NRXN3: variants seen among roughly 807,000 people sequenced by gnomAD.
The protein encoded by NRXN3 is neurexin III.
A neutral mutation model predicts 137.6 loss-of-function variants in NRXN3; 32 were observed. The observed-to-expected ratio is 0.23, with a 90% confidence interval of 0.18 to 0.31. The LOEUF (loss-of-function observed/expected upper bound fraction) is 0.31, where lower values mean the gene tolerates loss of function less well. Among genes scored for constraint, NRXN3 ranks in the 10% least tolerant of loss-of-function variants. NRXN3 has a pLI of 1.00. For missense variants in NRXN3, 1,574 were observed against 2,062.5 expected, an observed-to-expected ratio of 0.76 and a Z score of 4.59; for synonymous variants, 798 against 784.5, an observed-to-expected ratio of 1.02 and a Z score of -0.29.
At chr14:78,885,787 T>C (rs1340289132) in intron 10 of NRXN3, among the ~76,000 whole-genome samples, 1 of 152,122 alleles carries the variant, frequency 6.6e-6, no homozygotes, top group African/African-American at 2.4e-5. Flanking sequence ...CTTCCTATGT[T>C]AGCTAGAGTA....
At chr14:79,436,366 G>C (rs1255430090) in intron 15 of NRXN3, among the ~76,000 whole-genome samples, 2 of 152,168 alleles carry the variant, frequency 1.3e-5, no homozygotes, top group East Asian at 3.8e-4. Flanking sequence ...AATGCACCCA[G>C]TCTCATTTCA....
intron 15 of NRXN3, among the ~76,000 whole-genome samples, chr14:79,458,931 C>T (rs1363838778): frequency 3.9e-5 from 6 of 152,112 alleles, no homozygotes; most frequent in Admixed American, 3.3e-4. Context: ...TACCTCTATA[C>T]TGCCAGTTGC....
chr14:79,180,984 A>T (rs1373128483), intron 15 of NRXN3, among the ~76,000 whole-genome samples: 1 of 151,808 alleles, frequency 6.6e-6, no homozygotes, highest in Non-Finnish European at 1.5e-5. Flanking sequence ...CAGAAAACCA[A>T]CCAACTATGG....
chr14:79,296,801 TAAAAC>T (rs934980087), intron 15 of NRXN3, among the ~76,000 whole-genome samples: 2 of 152,344 alleles, frequency 1.3e-5, no homozygotes, highest in South Asian at 2.1e-4. Flanking sequence ...CTTAAAAAGA[TAAAAC>T]AAAAGCAAAT....
At position 78,997,750 on chromosome 14, in the gene NRXN3, A is replaced by G. The variant is rs546324823; in HGVS notation, c.3262+9609A>G. Among the ~76,000 whole-genome samples the G allele has an allele frequency of 2.3e-4, 35 of 152,352 alleles. 1 individual carries two copies. The highest frequency in any genetic ancestry group is 6.8e-3 in the Middle Eastern group (2 of 294). Reference sequence around the variant, plus strand: ...ATACCCAAGTAACCAACACCAGTTAAGATAAAGGATAGTTTCATCTTCTCA... The same window carrying G: ...ATACCCAAGTAACCAACACCAGTTAGGATAAAGGATAGTTTCATCTTCTCA... On this transcript the variant is annotated intron_variant, in intron 15 of 20. Coordinates refer to ENST00000335750, the MANE Select transcript of NRXN3 (RefSeq NM_001330195.2).
intron 4 of NRXN3, among the ~76,000 whole-genome samples, chr14:78,449,186 G>A (rs2094493429): frequency 6.6e-6 from 1 of 152,064 alleles, no homozygotes; most frequent in Admixed American, 6.6e-5. Context: ...CCTATATGGT[G>A]TTTCATTCTC....
chr14:79,548,386 G>A lies in NRXN3; in HGVS notation c.3444+80984G>A, dbSNP rs555061561. 2.8e-4 allele frequency among the ~76,000 whole-genome samples: 43 copies of A among 152,226 alleles called. 1 individual carries two copies. The highest frequency in any genetic ancestry group is 2.6e-3 in the Admixed American group (39 of 15,282). ...CATGAAGTCATTCTTTTTTATGGCTGCATAATATTCCATGGTGTATATGTG... is the reference window on the plus strand; with the variant it reads ...CATGAAGTCATTCTTTTTTATGGCTACATAATATTCCATGGTGTATATGTG... On this transcript the variant is annotated intron_variant, in intron 16 of 20. Coordinates refer to ENST00000335750, the MANE Select transcript of NRXN3 (RefSeq NM_001330195.2).
intron 19 of NRXN3, among the ~76,000 whole-genome samples, chr14:79,726,855 T>C (rs914485138): frequency 6.6e-6 from 1 of 152,138 alleles, no homozygotes; most frequent in Non-Finnish European, 1.5e-5. Flanking sequence ...TTTGTGACTC[T>C]CAATCATATA....
At chr14:78,551,136 A>G (rs1388277083) in intron 4 of NRXN3, among the ~76,000 whole-genome samples, 2 of 152,228 alleles carry the variant, frequency 1.3e-5, no homozygotes, top group African/African-American at 2.4e-5. Flanking sequence ...AATAGCATTT[A>G]ATGCTCAGTT....
rs754563348 is a variant in NRXN3 at position 78,967,365 on chromosome 14, G to T, written c.2935G>T (p.Val979Phe). Reference sequence around the variant, plus strand: ...AGTGGACACCAAAGTGGTCACTCAGGTTATCAATGGTGCCAAAAATCTGGA... The same window carrying T: ...AGTGGACACCAAAGTGGTCACTCAGTTTATCAATGGTGCCAAAAATCTGGA... ...LKVDTKVVTQ[V>F]INGAKNLDLK... Residue 979 changes from valine to phenylalanine, a missense_variant, in exon 13 of 21, where the codon GTT (valine) becomes TTT (phenylalanine). Physicochemically the swap from Val to Phe is conservative, Grantham distance 50 (BLOSUM62 -1). This residue lies in a region of NRXN3 where 718 missense variants were observed against 887.6 expected (regional missense o/e 0.81). Transcript: ENST00000335750. 2.5e-6 allele frequency: 4 copies of T among 1,613,482 alleles called. No individual in the cohort carries two copies. Among genetic ancestry groups the T allele is most frequent in the South Asian group, 2.2e-5 (2 of 91,008 alleles).
chr14:78,341,270 A>G (rs1251393099), intron 4 of NRXN3, among the ~76,000 whole-genome samples: 1 of 152,112 alleles, frequency 6.6e-6, no homozygotes, highest in East Asian at 1.9e-4. Context: ...TCAGACTCTC[A>G]TGTGTGCAGG....
chr14:78,715,022 A>G lies in NRXN3; in HGVS notation c.1927A>G (p.Ser643Gly). The change falls in exon 8 of 21, where the codon AGT becomes GGT. Residue 643 changes from serine to glycine, a missense_variant. Around this residue, in one of 5 missense-constraint regions of NRXN3, gnomAD observed 718 missense variants for 887.6 expected, o/e 0.81. Coordinates refer to ENST00000335750, the MANE Select transcript of NRXN3 (RefSeq NM_001330195.2). ...AGVKSSCSRM[S>G]AKQCDSYPCK... ...TGTCAAGTCCTCCTGTTCACGGATG[A>G]GTGCCAAGCAGTGTGACAGCTACCC... 3.1e-6 allele frequency: 5 copies of G among 1,614,066 alleles called. No individual in the cohort carries two copies. Among genetic ancestry groups the G allele is most frequent in the Non-Finnish European group, 4.2e-6 (5 of 1,180,022 alleles).
chr14:78,863,740 T>G (rs939751332), intron 10 of NRXN3, among the ~76,000 whole-genome samples: 1 of 152,106 alleles, frequency 6.6e-6, no homozygotes, highest in African/African-American at 2.4e-5. Flanking sequence ...TTTAATTCAT[T>G]TAATAATCCA....
chr14:79,603,613 AT>A (rs943559604), intron 16 of NRXN3, among the ~76,000 whole-genome samples: 2 of 150,102 alleles, frequency 1.3e-5, no homozygotes, highest in African/African-American at 4.9e-5. Flanking sequence ...TTTTTTTCAT[AT>A]TTTTTTCCTT....
At chr14:79,110,282 A>G (rs1294544030) in intron 15 of NRXN3, among the ~76,000 whole-genome samples, 1 of 152,264 alleles carries the variant, frequency 6.6e-6, no homozygotes, top group Non-Finnish European at 1.5e-5. Flanking sequence ...ATAAGAAACT[A>G]CAAAGAGCAT....
At chr14:79,154,966 T>G (rs2060129934) in intron 15 of NRXN3, among the ~76,000 whole-genome samples, 1 of 151,950 alleles carries the variant, frequency 6.6e-6, no homozygotes. Flanking sequence ...TCTCTCTTTA[T>G]GTTCCCCTGT....
chr14:78,666,622 C>G (rs1227382254), intron 6 of NRXN3, among the ~76,000 whole-genome samples: 1 of 152,134 alleles, frequency 6.6e-6, no homozygotes, highest in Non-Finnish European at 1.5e-5. Flanking sequence ...CTCATTTAAT[C>G]AAACACAAAA....
chr14:78,922,907 A>C (rs1450291600), intron 10 of NRXN3, among the ~76,000 whole-genome samples: 2 of 152,194 alleles, frequency 1.3e-5, no homozygotes, highest in African/African-American at 4.8e-5. Context: ...CTTTCATGTG[A>C]ATGGAAGTTT....
At chr14:78,218,226 G>A (rs146212724) in intron 1 of NRXN3, among the ~76,000 whole-genome samples, 22 of 152,128 alleles carry the variant, frequency 1.4e-4, no homozygotes, top group Non-Finnish European at 2.1e-4. Flanking sequence ...GCGTGGTGGC[G>A]CACACCTGTA....
Sources: gnomAD v4.1 joint callset for allele counts (sites outside exome capture counted in the v4.1 genomes callset) on GRCh38, gnomAD v4.1.1 for gene constraint, gnomAD v4.1.1 regional missense constraint, MANE v1.5 for transcripts, NCBI Gene and HGNC (gene_info 2026-07-23, HGNC 2026-07-21) for gene names.